Variants in DGKB observed in about 807,000 individuals in gnomAD.
DGKB encodes 90 kDa diacylglycerol kinase.
Under a neutral mutation model 114.3 loss-of-function variants are expected in DGKB, and 67 were observed. That is an observed-to-expected ratio of 0.59 (90% CI 0.48 to 0.72). The LOEUF is 0.72. Ranked by LOEUF, DGKB falls within the 30% of genes least tolerant of loss-of-function variation. The pLI is 0.00. For missense variants in DGKB, 907 were observed against 975.2 expected (o/e 0.93, Z 0.93); for synonymous variants, 398 against 323.1 (o/e 1.23, Z -2.49).
intron 8 of DGKB, among the ~76,000 whole-genome samples, chr7:14,696,485 G>C (rs1470988511): frequency 8.9e-6 from 1 of 112,132 alleles, no homozygotes; most frequent in African/African-American, 3.3e-5. Context: ...CTGGGCGACA[G>C]AGCGAGACTC....
intron 6 of DGKB, among the ~76,000 whole-genome samples, chr7:14,715,586 C>A (rs998618246): frequency 6.6e-6 from 1 of 152,110 alleles, no homozygotes; most frequent in African/African-American, 2.4e-5. Flanking sequence ...GTAACAAACA[C>A]CTTCTACCTG....
At chr7:14,607,349 A>G (rs900122931) in intron 17 of DGKB, 85 bp downstream of exon 17, 1 of 738,714 alleles carries the variant, frequency 1.4e-6, no homozygotes, top group Admixed American at 2.3e-5. Flanking sequence ...TGTTCAAATA[A>G]CATTATTTCT....
intron 13 of DGKB, among the ~76,000 whole-genome samples, chr7:14,660,314 G>C (rs1228886920): frequency 6.6e-6 from 1 of 151,594 alleles, no homozygotes; most frequent in Admixed American, 6.6e-5. Flanking sequence ...AATGGTACCA[G>C]TTCCTCCTTG....
intron 20 of DGKB, among the ~76,000 whole-genome samples, chr7:14,495,699 C>T (rs1785207583): frequency 6.6e-6 from 1 of 151,702 alleles, no homozygotes; most frequent in African/African-American, 2.4e-5. Context: ...GATTAATACC[C>T]TCAGAGCTGC....
upstream of DGKB, among the ~76,000 whole-genome samples, chr7:14,906,773 C>G (rs1783733465): frequency 6.6e-6 from 1 of 152,162 alleles, no homozygotes. Context: ...TCTTTAATCA[C>G]AGCACTGTAT....
At position 14,145,322 on chromosome 7, in the gene DGKB, A is replaced by AG. The variant is rs1781364451; in HGVS notation, c.*3808dup. ...GTTTACAGCTTTAATATATGTTACA[A>AG]GGGTTTAATCTTTTAATAGAGATAT... On this transcript the variant is annotated 3_prime_UTR_variant, in exon 26 of 26. Coordinates refer to ENST00000402815, the MANE Select transcript of DGKB (RefSeq NM_001350709.2). 1 of 152,150 alleles carries AG rather than the reference A, an allele frequency of 6.6e-6. No homozygotes were observed. The highest frequency in any genetic ancestry group is 2.4e-5 in the African/African-American group (1 of 41,458). 9.4% of individuals were successfully genotyped at this position (152,150 alleles called of 1,614,324 possible). A position where few individuals can be genotyped will look rare whatever the true frequency, so the allele number is the denominator to read the frequency against.
chr7:14,712,118 C>T (rs544901606), intron 6 of DGKB, among the ~76,000 whole-genome samples: 1 of 151,926 alleles, frequency 6.6e-6, no homozygotes, highest in Non-Finnish European at 1.5e-5. Context: ...AAAATGGATT[C>T]TCTGTGAAGT....
At chr7:14,645,068 T>C (rs1812657775) in intron 13 of DGKB, among the ~76,000 whole-genome samples, 1 of 152,152 alleles carries the variant, frequency 6.6e-6, no homozygotes, top group Non-Finnish European at 1.5e-5. Context: ...GATTGGTTCC[T>C]TCTGAATGAT....
At position 14,262,904 on chromosome 7, in the gene DGKB, A is replaced by C. The variant is rs1264211353; in HGVS notation, c.2122+75611T>G. Among the ~76,000 whole-genome samples, 6 of 152,228 alleles carry C rather than the reference A, an allele frequency of 3.9e-5. No homozygotes were observed. In the East Asian group the frequency reaches 1.2e-3, roughly 29 times the overall value. On this transcript the variant is annotated intron_variant, in intron 23 of 25. Transcript: ENST00000402815. ...AAATCAGAAGACGTTTTATTAAACA[A>C]ATCATTCCCACCAAGAGGTAGCTTG...
intron 21 of DGKB, among the ~76,000 whole-genome samples, chr7:14,443,264 A>T (rs560241251): frequency 6.6e-6 from 1 of 152,132 alleles, no homozygotes; most frequent in Non-Finnish European, 1.5e-5. Context: ...ACTTCTCTCC[A>T]AAGTTACACG....
At chr7:14,525,710 TA>T (rs35449163) in intron 20 of DGKB, among the ~76,000 whole-genome samples, 10,178 of 150,928 alleles carry the variant, frequency 0.067, 441 homozygotes, top group African/African-American at 0.11. Flanking sequence ...ACATTGACAA[TA>T]AAAAAAAAGT....
chr7:14,522,823 G>C (rs903381378), intron 20 of DGKB, among the ~76,000 whole-genome samples: 1 of 152,126 alleles, frequency 6.6e-6, no homozygotes, highest in South Asian at 2.1e-4. Context: ...ATTGACTTTC[G>C]ACTGCTTGAT....
chr7:14,710,879 C>T (rs1412566451), intron 6 of DGKB, among the ~76,000 whole-genome samples: 1 of 151,998 alleles, frequency 6.6e-6, no homozygotes, highest in Non-Finnish European at 1.5e-5. Flanking sequence ...ATTTTAGCTA[C>T]TTTACATATA....
chr7:14,791,161 G>C (rs902949087), intron 2 of DGKB, among the ~76,000 whole-genome samples: 1 of 151,992 alleles, frequency 6.6e-6, no homozygotes, highest in Non-Finnish European at 1.5e-5. Context: ...CACAAGTCTT[G>C]TACATATTTT....
chr7:14,278,316 T>C (rs1390311248), intron 23 of DGKB, among the ~76,000 whole-genome samples: 1 of 152,122 alleles, frequency 6.6e-6, no homozygotes, highest in Non-Finnish European at 1.5e-5. Flanking sequence ...TGGAATGGGA[T>C]AGAAAAACTA....
intron 21 of DGKB, among the ~76,000 whole-genome samples, chr7:14,406,021 A>C (rs1223515136): frequency 6.6e-6 from 1 of 152,028 alleles, no homozygotes; most frequent in Non-Finnish European, 1.5e-5. Flanking sequence ...CCAGGGGTGG[A>C]GTGACCCAGC....
chr7:14,715,990 T>A (rs1828118759), intron 6 of DGKB, among the ~76,000 whole-genome samples: 1 of 152,136 alleles, frequency 6.6e-6, no homozygotes, highest in African/African-American at 2.4e-5. Context: ...CAATGGAAAG[T>A]GGCGGGAGGC....
intron 20 of DGKB, among the ~76,000 whole-genome samples, chr7:14,513,070 A>G (rs542838225): frequency 5.0e-4 from 76 of 152,224 alleles, no homozygotes; most frequent in African/African-American, 1.8e-3. Context: ...TGAAAAGATT[A>G]TATAATTTCT....
chr7:14,760,344 G>A (rs1040328828), intron 2 of DGKB, among the ~76,000 whole-genome samples: 1 of 151,990 alleles, frequency 6.6e-6, no homozygotes, highest in Non-Finnish European at 1.5e-5. Flanking sequence ...TGAAACAATA[G>A]CATTGCAATA....
Sources: allele counts gnomAD v4.1 joint callset (sites outside exome capture counted in the v4.1 genomes callset), GRCh38; gene constraint gnomAD v4.1.1; transcripts MANE v1.5; gene names NCBI Gene and HGNC (gene_info 2026-07-23, HGNC 2026-07-21).